Variants in CFAP141 observed in about 807,000 individuals in gnomAD.
CFAP141 encodes the protein cilia and flagella associated protein 141.
chr1:154,206,188 C>T, the CFAP141 span: 2 of 1,274,246 alleles, frequency 1.6e-6, no homozygotes, highest in African/African-American at 1.5e-5. Flanking sequence ...CATCAAAAGC[C>T]TTTCCCAGTA....
At chr1:154,206,316 A>G in the CFAP141 span, 1 of 1,613,730 alleles carries the variant, frequency 6.2e-7, no homozygotes, top group South Asian at 1.1e-5. Flanking sequence ...ATGTCTATAG[A>G]TTTGCTTGAT....
chr1:154,205,645 G>T, the CFAP141 span: 7 of 1,613,552 alleles, frequency 4.3e-6, no homozygotes, highest in South Asian at 6.6e-5. Context: ...AACTCTGCAA[G>T]AAAAGGTAGT....
the CFAP141 span, among the ~76,000 whole-genome samples, chr1:154,205,933 C>T: frequency 2.6e-5 from 4 of 151,944 alleles, no homozygotes; most frequent in African/African-American, 9.7e-5. Flanking sequence ...GAACTCCTGA[C>T]CTCAGGTGAT....
At chr1:154,200,457 ACC>A in the CFAP141 span, 2 of 1,614,032 alleles carry the variant, frequency 1.2e-6, no homozygotes, top group African/African-American at 2.7e-5. Flanking sequence ...GCTAGAACTC[ACC>A]ATTAGTAGTT....
the CFAP141 span, chr1:154,200,387 C>A: frequency 6.5e-7 from 1 of 1,532,674 alleles, no homozygotes; most frequent in South Asian, 1.2e-5. Flanking sequence ...ACACTAAGAG[C>A]TTGGAAAACT....
At chr1:154,200,675 TTTTC>T in the CFAP141 span, 80 of 1,379,150 alleles carry the variant, frequency 5.8e-5, no homozygotes, top group Non-Finnish European at 7.4e-5. Context: ...GCTGTTTCTT[TTTTC>T]TTTTTCTTTT....
the CFAP141 span, among the ~76,000 whole-genome samples, chr1:154,203,799 G>C: frequency 6.6e-6 from 1 of 152,176 alleles, no homozygotes; most frequent in East Asian, 1.9e-4. Flanking sequence ...ATCAGGCCGG[G>C]CGTGGTGGCT....
the CFAP141 span, chr1:154,199,243 T>A: frequency 5.9e-6 from 3 of 504,306 alleles, no homozygotes; most frequent in Non-Finnish European, 7.1e-6. Context: ...TCATAGATTG[T>A]TTCCCAAATA....
chr1:154,202,284 C>T, the CFAP141 span, among the ~76,000 whole-genome samples: 1 of 151,904 alleles, frequency 6.6e-6, no homozygotes, highest in South Asian at 2.1e-4. Context: ...CCATGTTGGC[C>T]AGGCTGGTCT....
At chr1:154,205,684 C>A in the CFAP141 span, 1 of 1,576,204 alleles carries the variant, frequency 6.3e-7, no homozygotes, top group South Asian at 1.1e-5. Context: ...TCTCCAGAAC[C>A]TCTATTCTAA....
chr1:154,204,968 GC>G, the CFAP141 span, among the ~76,000 whole-genome samples: 1 of 149,148 alleles, frequency 6.7e-6, no homozygotes, highest in African/African-American at 2.5e-5. Context: ...TGCACCCTCC[GC>G]ATCCTAAGTT....
chr1:154,202,410 A>T, the CFAP141 span, among the ~76,000 whole-genome samples: 1 of 152,174 alleles, frequency 6.6e-6, no homozygotes, highest in Non-Finnish European at 1.5e-5. Flanking sequence ...AAAGAATATA[A>T]ATATACATCA....
chr1:154,200,690 C>T, the CFAP141 span: 82 of 1,313,356 alleles, frequency 6.2e-5, no homozygotes, highest in Non-Finnish European at 1.1e-5. Context: ...TTTTTCTTTT[C>T]TTTTTTTTTG....
chr1:154,204,983 GC>G, the CFAP141 span, among the ~76,000 whole-genome samples: 2 of 151,044 alleles, frequency 1.3e-5, no homozygotes, highest in South Asian at 4.2e-4. Flanking sequence ...CTAAGTTCAA[GC>G]AATTCTCCTG....
chr1:154,203,097 G>A, the CFAP141 span, among the ~76,000 whole-genome samples: 7 of 142,706 alleles, frequency 4.9e-5, no homozygotes, highest in African/African-American at 1.8e-4. Context: ...CTCTAGCCTG[G>A]GTGGTGGAGT....
chr1:154,200,638 G>A, the CFAP141 span: 2 of 1,597,266 alleles, frequency 1.3e-6, no homozygotes, highest in Non-Finnish European at 8.5e-7. Flanking sequence ...AGAGTTAGGA[G>A]TAGAGACAAA....
chr1:154,205,950 A>G, the CFAP141 span, among the ~76,000 whole-genome samples: 1 of 151,942 alleles, frequency 6.6e-6, no homozygotes, highest in Non-Finnish European at 1.5e-5. Context: ...TGATCCGCCC[A>G]CCTCAGCCTC....
chr1:154,205,969 A>G, the CFAP141 span, among the ~76,000 whole-genome samples: 1 of 151,978 alleles, frequency 6.6e-6, no homozygotes, highest in African/African-American at 2.4e-5. Flanking sequence ...TCCCAAAGTG[A>G]TAGGATTACA....
At chr1:154,205,079 T>C in the CFAP141 span, among the ~76,000 whole-genome samples, 1 of 151,898 alleles carries the variant, frequency 6.6e-6, no homozygotes, top group Non-Finnish European at 1.5e-5. Context: ...AGACAGGGTT[T>C]CACCATGTTG....
Sources: allele counts gnomAD v4.1 joint callset (sites outside exome capture counted in the v4.1 genomes callset), GRCh38; gene constraint gnomAD v4.1.1; transcripts MANE v1.5; gene names NCBI Gene and HGNC (gene_info 2026-07-23, HGNC 2026-07-21).